Variants in RSPO2 observed in about 807,000 individuals in gnomAD.
RSPO2 encodes R-spondin 2.
Under a neutral mutation model 30.9 loss-of-function variants are expected in RSPO2, and 14 were observed. That is an observed-to-expected ratio of 0.45 (90% confidence interval 0.30 to 0.71). The LOEUF (loss-of-function observed/expected upper bound fraction) is 0.71, where lower values mean the gene tolerates loss of function less well. Among genes scored for constraint, RSPO2 ranks in the 30% least tolerant of loss-of-function variants. The pLI, the probability that RSPO2 is intolerant of heterozygous loss-of-function variation, is 0.08. For synonymous variants in RSPO2, 107 were observed against 96.4 expected, an observed-to-expected ratio of 1.11 and a Z score of -0.64; for missense variants, 264 against 301.9, an observed-to-expected ratio of 0.87 and a Z score of 0.93.
chr8:107,941,146 C>A (rs57227167), intron 5 of RSPO2, among the ~76,000 whole-genome samples: 7,115 of 151,984 alleles, frequency 0.047, 304 homozygotes, highest in African/African-American at 0.11. Flanking sequence ...TTGGCGTGGA[C>A]CTTATACCAA....
chr8:107,987,761 A>AG (rs1238305004), intron 3 of RSPO2, among the ~76,000 whole-genome samples: 1 of 152,156 alleles, frequency 6.6e-6, no homozygotes, highest in African/African-American at 2.4e-5. Context: ...AGCCCCCACT[A>AG]GTTCTGCCAC....
intron 3 of RSPO2, among the ~76,000 whole-genome samples, chr8:107,961,389 A>G (rs1368145400): frequency 1.3e-5 from 2 of 152,196 alleles, no homozygotes; most frequent in African/African-American, 4.8e-5. Context: ...AAGGCTTTAC[A>G]TATATTTCCA....
intron 5 of RSPO2, among the ~76,000 whole-genome samples, chr8:107,921,622 A>G (rs75652980): frequency 0.088 from 13,362 of 152,128 alleles, 758 homozygotes; most frequent in South Asian, 0.16. Context: ...TGGGGCCAGC[A>G]CCATCCTGAT....
intron 3 of RSPO2, among the ~76,000 whole-genome samples, chr8:107,968,562 A>T (rs1250197627): frequency 6.6e-6 from 1 of 152,054 alleles, no homozygotes; most frequent in Non-Finnish European, 1.5e-5. Context: ...ATCATTTATT[A>T]TATATTTCAA....
intron 2 of RSPO2, among the ~76,000 whole-genome samples, chr8:107,998,469 T>A (rs1815104603): frequency 6.6e-6 from 1 of 152,190 alleles, no homozygotes; most frequent in African/African-American, 2.4e-5. Flanking sequence ...CTTTGCTTAG[T>A]TTTATATAAA....
chr8:107,958,277 G>A lies in RSPO2; in HGVS notation c.428-9C>T, dbSNP rs751737083. The A allele has an allele frequency of 3.8e-6, 6 of 1,595,796 alleles. No individual in the cohort carries two copies. Among genetic ancestry groups the A allele is most frequent in the Admixed American group, 1.8e-5 (1 of 56,918 alleles). On this transcript the variant is annotated splice_polypyrimidine_tract_variant and intron_variant, in intron 4 of 5. Transcript: ENST00000276659. ...ACCAACTTCACATCCTTCTAGTAAA[G>A]ATTTTTAGAAAAAGAAAAAAAAACA...
At chr8:108,013,459 T>A (rs1368583125) in intron 2 of RSPO2, among the ~76,000 whole-genome samples, 1 of 152,166 alleles carries the variant, frequency 6.6e-6, no homozygotes, top group African/African-American at 2.4e-5. Flanking sequence ...TCTTTCAAAG[T>A]AGTAAACTGA....
At chr8:108,045,978 A>C (rs540421496) in intron 2 of RSPO2, among the ~76,000 whole-genome samples, 1 of 152,276 alleles carries the variant, frequency 6.6e-6, no homozygotes, top group Non-Finnish European at 1.5e-5. Flanking sequence ...GAATCTCTAC[A>C]TCTCAGGCAT....
chr8:107,968,414 GA>G (rs1456399780), intron 3 of RSPO2, among the ~76,000 whole-genome samples: 1 of 152,116 alleles, frequency 6.6e-6, no homozygotes, highest in East Asian at 1.9e-4. Context: ...CATGGAGATA[GA>G]GAGTAGAATG....
chr8:108,020,129 T>C (rs1054067115), intron 2 of RSPO2, among the ~76,000 whole-genome samples: 5 of 150,370 alleles, frequency 3.3e-5, no homozygotes, highest in African/African-American at 1.2e-4. Context: ...AGAAGCCCTC[T>C]CCAGGAGATG....
chr8:108,068,169 G>A (rs937511631), intron 2 of RSPO2, among the ~76,000 whole-genome samples: 2 of 152,156 alleles, frequency 1.3e-5, no homozygotes, highest in African/African-American at 4.8e-5. Context: ...GTTTGAAAAA[G>A]TAATAAAGAT....
chr8:108,008,797 A>AAAAT (rs1554581511), intron 2 of RSPO2, among the ~76,000 whole-genome samples: 322 of 151,488 alleles, frequency 2.1e-3, no homozygotes, highest in African/African-American at 4.7e-3. Context: ...CAAAAAAAAA[A>AAAAT]AAATAAAGAA....
At chr8:108,065,872 T>C (rs1228991280) in intron 2 of RSPO2, among the ~76,000 whole-genome samples, 3 of 152,068 alleles carry the variant, frequency 2.0e-5, no homozygotes, top group Non-Finnish European at 2.9e-5. Flanking sequence ...ACCCCATCTC[T>C]ACTAAAAATA....
chr8:108,050,355 A>G (rs1812040704), intron 2 of RSPO2, among the ~76,000 whole-genome samples: 1 of 152,168 alleles, frequency 6.6e-6, no homozygotes, highest in African/African-American at 2.4e-5. Context: ...TTTGTGCAAG[A>G]GTGAGATTTA....
Position 107,901,138 on chromosome 8 carries a change from C to T in RSPO2, c.669G>A (p.Lys223=). Reference sequence around the variant, plus strand: ...GTTGCTCCTGGGCCCTTTCTATCAGCTTCCTTTTCTTTTTCTTGTTCCTCT... The same window carrying T: ...GTTGCTCCTGGGCCCTTTCTATCAGTTTCCTTTTCTTTTTCTTGTTCCTCT... ...KEKRNKKKKR[K]LIERAQEQHS... The change falls in exon 6 of 6, where the codon AAG becomes AAA. Residue 223 remains lysine, a synonymous_variant. Coordinates refer to ENST00000276659, the MANE Select transcript of RSPO2 (RefSeq NM_178565.5). 6.2e-7 allele frequency: 1 copy of T among 1,614,100 alleles called. No individual in the cohort carries two copies. Among genetic ancestry groups the T allele is most frequent in the Non-Finnish European group, 8.5e-7 (1 of 1,179,972 alleles).
intron 5 of RSPO2, among the ~76,000 whole-genome samples, chr8:107,935,466 G>C (rs1333230038): frequency 6.6e-6 from 1 of 152,004 alleles, no homozygotes; most frequent in Non-Finnish European, 1.5e-5. Context: ...ACCTTGGCCA[G>C]AACTCTAATA....
Position 107,901,028 on chromosome 8 carries a change from A to G in RSPO2, c.*47T>C. On this transcript the variant is annotated 3_prime_UTR_variant, in exon 6 of 6. Transcript: ENST00000276659. ...GCAGGAGTGGAGAGTAGCTTTGTGC[A>G]CATTTGCAAAAACAAAAACCCCTAA... 1 of 1,604,380 alleles carries G rather than the reference A, an allele frequency of 6.2e-7. No homozygotes were observed. Among genetic ancestry groups the G allele is most frequent in the Non-Finnish European group, 8.5e-7 (1 of 1,174,870 alleles).
chr8:107,914,507 A>G (rs1811918301), intron 5 of RSPO2, among the ~76,000 whole-genome samples: 1 of 152,162 alleles, frequency 6.6e-6, no homozygotes, highest in Non-Finnish European at 1.5e-5. Context: ...TAAAAATAGA[A>G]GTGTTTTCTA....
intron 5 of RSPO2, among the ~76,000 whole-genome samples, chr8:107,956,790 CAA>C (rs1813447789): frequency 6.6e-6 from 1 of 152,136 alleles, no homozygotes; most frequent in Admixed American, 6.5e-5. Context: ...CTGAATACAT[CAA>C]GTTTGTTTTT....
Sources: allele counts gnomAD v4.1 joint callset (sites outside exome capture counted in the v4.1 genomes callset), GRCh38; gene constraint gnomAD v4.1.1; transcripts MANE v1.5; gene names NCBI Gene and HGNC (gene_info 2026-07-23, HGNC 2026-07-21).